Variants in CAMK1D observed in about 807,000 individuals in gnomAD.
CAMK1D encodes calcium/calmodulin dependent protein kinase ID, also known as calcium/calmodulin-dependent protein kinase type 1D.
A neutral mutation model predicts 47.7 loss-of-function variants in CAMK1D; 9 were observed. The observed-to-expected ratio is 0.19, with a 90% CI of 0.11 to 0.33. The LOEUF (loss-of-function observed/expected upper bound fraction) is 0.33. CAMK1D is among the 10% of genes least tolerant of loss of function. The probability of loss-of-function intolerance (pLI) is 1.00; values close to 1 mark genes in which losing one functional copy is unlikely to be tolerated. For missense variants in CAMK1D, 291 were observed against 488.7 expected (o/e 0.60, Z 3.81); for synonymous variants, 184 against 184.9 (o/e 0.99, Z 0.04).
chr10:12,597,781 G>A (rs1305793331), intron 2 of CAMK1D, among the ~76,000 whole-genome samples: 1 of 152,174 alleles, frequency 6.6e-6, no homozygotes, highest in Admixed American at 6.5e-5. Context: ...TCTATCCAAA[G>A]ATGAAGGAGC....
chr10:12,673,533 G>T (rs769365712), intron 3 of CAMK1D, among the ~76,000 whole-genome samples: 1 of 151,982 alleles, frequency 6.6e-6, no homozygotes, highest in Non-Finnish European at 1.5e-5. Context: ...TTGTTTTGTG[G>T]ATTTCTTACC....
In CAMK1D at chr10:12,366,409, C is replaced by T. The variant is rs145214628; in HGVS notation, c.92+16499C>T. 9.2e-3 allele frequency among the ~76,000 whole-genome samples: 1,403 copies of T among 152,100 alleles called. 20 individuals carry two copies. Among genetic ancestry groups the T allele is most frequent in the African/African-American group, 0.032 (1,307 of 41,476 alleles). ...GTGGCTCACACCTGTAATCCTAGCA[C>T]TTTGGCAGGCCAAGGTGGGTGAATC... On this transcript the variant is annotated intron_variant, in intron 1 of 10. Coordinates refer to ENST00000619168, the MANE Select transcript of CAMK1D (RefSeq NM_153498.4).
intron 2 of CAMK1D, among the ~76,000 whole-genome samples, chr10:12,615,483 G>T (rs980230071): frequency 6.6e-6 from 1 of 150,416 alleles, no homozygotes; most frequent in African/African-American, 2.5e-5. Flanking sequence ...CACGTGTGTA[G>T]GTGTGTGCAT....
At chr10:12,501,232 G>C (rs1358112046) in intron 1 of CAMK1D, among the ~76,000 whole-genome samples, 1 of 152,216 alleles carries the variant, frequency 6.6e-6, no homozygotes, top group Admixed American at 6.5e-5. Flanking sequence ...CCTATAAATA[G>C]TGCCCTGGGG....
chr10:12,377,753 T>G (rs1838225314), intron 1 of CAMK1D, among the ~76,000 whole-genome samples: 1 of 152,166 alleles, frequency 6.6e-6, no homozygotes, highest in South Asian at 2.1e-4. Flanking sequence ...AAATTAAAAA[T>G]CTCGAACACC....
At chr10:12,450,942 G>A (rs2768469) in intron 1 of CAMK1D, among the ~76,000 whole-genome samples, 35,987 of 151,986 alleles carry the variant, frequency 0.24, 4,818 homozygotes, top group Non-Finnish European at 0.3. Context: ...CATGTCCTGC[G>A]CCTCATGCAG....
intron 6 of CAMK1D, among the ~76,000 whole-genome samples, chr10:12,798,570 T>C (rs1180933315): frequency 6.6e-6 from 1 of 152,202 alleles, no homozygotes; most frequent in Non-Finnish European, 1.5e-5. Context: ...GGTGAGAATC[T>C]GCCAGGAGAG....
At chr10:12,755,912 G>A (rs1043499250) in intron 3 of CAMK1D, among the ~76,000 whole-genome samples, 1 of 152,104 alleles carries the variant, frequency 6.6e-6, no homozygotes, top group African/African-American at 2.4e-5. Context: ...AACCAGCCTT[G>A]TTCTGGGGCC....
chr10:12,544,938 C>G (rs17493316), intron 1 of CAMK1D, among the ~76,000 whole-genome samples: 39,192 of 152,032 alleles, frequency 0.26, 5,624 homozygotes, highest in Admixed American at 0.34. Context: ...GGATACATTA[C>G]TTACTTTGCA....
intron 2 of CAMK1D, among the ~76,000 whole-genome samples, chr10:12,622,877 G>A (rs1015100875): frequency 6.6e-6 from 1 of 152,012 alleles, no homozygotes; most frequent in African/African-American, 2.4e-5. Flanking sequence ...AAGAACAGGA[G>A]AGAACTCGGC....
At chr10:12,785,369 A>G (rs1017746513) in intron 5 of CAMK1D, among the ~76,000 whole-genome samples, 2 of 152,188 alleles carry the variant, frequency 1.3e-5, no homozygotes, top group Non-Finnish European at 2.9e-5. Context: ...TGTCTTTGTT[A>G]GTAGCTCCAA....
rs189612155 is a variant in CAMK1D at position 12,610,120 on chromosome 10, A to G, written c.225-56616A>G. Among the ~76,000 whole-genome samples the G allele has an allele frequency of 1.1e-3, 161 of 152,254 alleles. No individual in the cohort carries two copies. In the South Asian group the frequency reaches 0.026, roughly 24 times the overall value. On this transcript the variant is annotated intron_variant, in intron 2 of 10. Coordinates refer to ENST00000619168, the MANE Select transcript of CAMK1D (RefSeq NM_153498.4). ...CATTTCCATGGTGTAAAGACTTTCT[A>G]TGTGACTAATTTAAAGCCACCAACT...
chr10:12,353,248 A>G (rs534667942), intron 1 of CAMK1D, among the ~76,000 whole-genome samples: 2 of 152,328 alleles, frequency 1.3e-5, no homozygotes, highest in East Asian at 3.9e-4. Context: ...TTTCCAAAGT[A>G]TGCCGCAGTT....
chr10:12,824,662 A>G (rs1833132987), intron 9 of CAMK1D, 110 bp downstream of exon 9: 2 of 815,440 alleles, frequency 2.5e-6, no homozygotes, highest in East Asian at 2.7e-5. Context: ...AATTTTGCTA[A>G]TTTTAACTGC....
intron 3 of CAMK1D, among the ~76,000 whole-genome samples, chr10:12,718,337 ATTTTGGCTTGAT>A (rs1834236294): frequency 2.0e-5 from 3 of 152,352 alleles, no homozygotes; most frequent in South Asian, 4.1e-4. Flanking sequence ...CTCACCTTGA[ATTTTGGCTTGAT>A]TTGTCTAAAT....
chr10:12,375,257 C>T (rs930242658), intron 1 of CAMK1D, among the ~76,000 whole-genome samples: 5 of 152,104 alleles, frequency 3.3e-5, no homozygotes, highest in Admixed American at 6.6e-5. Context: ...TTAAAAATCC[C>T]GAGTAATGGA....
At chr10:12,541,589 G>A (rs1836176404) in intron 1 of CAMK1D, among the ~76,000 whole-genome samples, 2 of 152,262 alleles carry the variant, frequency 1.3e-5, no homozygotes, top group South Asian at 2.1e-4. Flanking sequence ...TCGAACTCCT[G>A]AGCTTGTGAT....
intron 1 of CAMK1D, among the ~76,000 whole-genome samples, chr10:12,412,386 G>C (rs1839687917): frequency 6.8e-6 from 1 of 147,734 alleles, no homozygotes; most frequent in African/African-American, 2.5e-5. Context: ...GAGGTGGGCA[G>C]ATCACCTGAG....
intron 1 of CAMK1D, among the ~76,000 whole-genome samples, chr10:12,502,761 G>T (rs930546276): frequency 6.6e-5 from 10 of 152,198 alleles, no homozygotes; most frequent in African/African-American, 1.7e-4. Flanking sequence ...AAGGCAGAGC[G>T]CTGGGAAGGA....
Sources: allele counts gnomAD v4.1 joint callset (sites outside exome capture counted in the v4.1 genomes callset), GRCh38; gene constraint gnomAD v4.1.1; transcripts MANE v1.5; gene names NCBI Gene and HGNC (gene_info 2026-07-23, HGNC 2026-07-21).